The following NRG1 variants were observed in gnomAD, a reference collection of about 807,000 sequenced individuals.
NRG1 encodes pro-neuregulin-1, membrane-bound isoform.
Under a neutral mutation model 63.8 loss-of-function variants are expected in NRG1, and 18 were observed. The observed-to-expected ratio is 0.28, with a 90% CI of 0.19 to 0.42. The LOEUF is 0.42. NRG1 is among the 10% of genes least tolerant of loss of function. NRG1 has a pLI of 1.00. For missense variants in NRG1, 762 were observed against 814.7 expected, an observed-to-expected ratio of 0.94 and a Z score of 0.79; for synonymous variants, 302 against 301.3, an observed-to-expected ratio of 1.00 and a Z score of -0.02.
At chr8:32,181,388 G>A (rs115808530) in intron 1 of NRG1, among the ~76,000 whole-genome samples, 1 of 152,012 alleles carries the variant, frequency 6.6e-6, no homozygotes, top group Non-Finnish European at 1.5e-5. Flanking sequence ...TAGTTTTTCT[G>A]TATTGCTCTC....
chr8:31,871,574 G>A (rs1396628677), intron 1 of NRG1, among the ~76,000 whole-genome samples: 1 of 151,848 alleles, frequency 6.6e-6, no homozygotes, highest in Non-Finnish European at 1.5e-5. Flanking sequence ...CTGCCCATAG[G>A]CCATCAGCAT....
chr8:31,701,037 G>A (rs981940508), intron 1 of NRG1, among the ~76,000 whole-genome samples: 6 of 152,164 alleles, frequency 3.9e-5, no homozygotes, highest in Admixed American at 3.3e-4. Context: ...ACAGTAGTGT[G>A]AATCAGCAAG....
intron 1 of NRG1, among the ~76,000 whole-genome samples, chr8:32,366,671 GTGTGTGTATATATATATATA>G (rs1204676256): frequency 1.2e-4 from 10 of 86,512 alleles, no homozygotes; most frequent in African/African-American, 1.5e-4. Flanking sequence ...GTGTGTGTGT[GTGTGTGTATATATATATATA>G]TATATATATA....
intron 1 of NRG1, among the ~76,000 whole-genome samples, chr8:32,297,469 T>C (rs1299160709): frequency 3.9e-5 from 6 of 152,164 alleles, no homozygotes; most frequent in African/African-American, 1.4e-4. Context: ...TATGAATAGG[T>C]AGCAACAAGG....
rs1197711298 is a variant in NRG1 at position 31,640,641 on chromosome 8, G to A, written c.37+1210G>A. 8.7e-6 allele frequency: 14 copies of A among 1,608,902 alleles called. No homozygotes were observed. The East Asian group carries it at 2.9e-4, about 34-fold the overall frequency. ...CCGACGCCAACAGCACCAGCCGCGC[G>A]CCGGCCGCCTTCCGAGCCTCTTTCC... On this transcript the variant is annotated intron_variant, in intron 1 of 10. Transcript: ENST00000519301. The surrounding 1 kb of genome is among the most constrained non-coding windows in gnomAD (Gnocchi z 6.3).
At chr8:32,018,197 A>G (rs942125821) in intron 1 of NRG1, among the ~76,000 whole-genome samples, 3 of 152,182 alleles carry the variant, frequency 2.0e-5, no homozygotes, top group African/African-American at 7.2e-5. Flanking sequence ...TTCAACCCCA[A>G]TTGTCCTATT....
chr8:32,335,063 T>C (rs997480201), intron 1 of NRG1, among the ~76,000 whole-genome samples: 12 of 152,144 alleles, frequency 7.9e-5, no homozygotes, highest in African/African-American at 2.4e-4. Context: ...ATAATTGATA[T>C]AGTGGTATAT....
At chr8:31,862,797 G>A (rs566502506) in intron 1 of NRG1, among the ~76,000 whole-genome samples, 1 of 152,228 alleles carries the variant, frequency 6.6e-6, no homozygotes, top group South Asian at 2.1e-4. Context: ...GCTTGAATGT[G>A]GCCTTGAGGC....
intron 1 of NRG1, among the ~76,000 whole-genome samples, chr8:31,704,267 CTA>C (rs1810905889): frequency 6.6e-6 from 1 of 152,082 alleles, no homozygotes; most frequent in Non-Finnish European, 1.5e-5. Context: ...TGAATTCTCT[CTA>C]TTATATTACA....
At chr8:32,707,947 A>G (rs61199393) in intron 5 of NRG1, among the ~76,000 whole-genome samples, 19,838 of 148,924 alleles carry the variant, frequency 0.13, 1,489 homozygotes, top group Middle Eastern at 0.3. Context: ...TATGTATATG[A>G]AGTATTTTTT....
chr8:31,798,687 T>C (rs978726041), intron 1 of NRG1, among the ~76,000 whole-genome samples: 3 of 152,180 alleles, frequency 2.0e-5, no homozygotes, highest in African/African-American at 7.2e-5. Flanking sequence ...ATGTAATCTT[T>C]TAATTATATG....
At chr8:31,683,390 C>T (rs932227334) in intron 1 of NRG1, among the ~76,000 whole-genome samples, 4 of 151,952 alleles carry the variant, frequency 2.6e-5, no homozygotes. Flanking sequence ...TGAGCCATCA[C>T]GTCATGAAAA....
chr8:31,989,863 A>G (rs1810761962), intron 1 of NRG1, among the ~76,000 whole-genome samples: 1 of 152,064 alleles, frequency 6.6e-6, no homozygotes, highest in African/African-American at 2.4e-5. Flanking sequence ...TTGTTGATAT[A>G]TGTACTTTCC....
intron 1 of NRG1, among the ~76,000 whole-genome samples, chr8:32,456,625 A>C (rs2129488444): frequency 6.6e-6 from 1 of 152,342 alleles, no homozygotes; most frequent in African/African-American, 2.4e-5. Flanking sequence ...CTTTACTGTA[A>C]GAATACGGTA....
At chr8:31,764,750 T>C (rs1006130581) in intron 1 of NRG1, among the ~76,000 whole-genome samples, 9 of 152,162 alleles carry the variant, frequency 5.9e-5, no homozygotes, top group African/African-American at 2.2e-4. Flanking sequence ...TGATTTTTTT[T>C]TATTATACTT....
At chr8:32,414,001 G>A (rs11996981) in intron 1 of NRG1, among the ~76,000 whole-genome samples, 37,630 of 151,636 alleles carry the variant, frequency 0.25, 5,026 homozygotes, top group Middle Eastern at 0.35. Flanking sequence ...GTTCAGAAGA[G>A]GTTGAAAGAG....
intron 1 of NRG1, among the ~76,000 whole-genome samples, chr8:31,660,964 C>T (rs1299778122): frequency 6.6e-6 from 1 of 152,010 alleles, no homozygotes; most frequent in African/African-American, 2.4e-5. Context: ...ATTGCAGTAC[C>T]TAAGTATTTA....
intron 1 of NRG1, among the ~76,000 whole-genome samples, chr8:32,496,216 A>G (rs17645576): frequency 0.02 from 2,983 of 152,264 alleles, 35 homozygotes; most frequent in Middle Eastern, 0.041. Flanking sequence ...TTAACAGAAT[A>G]TTAGATGTTA....
At chr8:31,731,041 A>G (rs1197358852) in intron 1 of NRG1, among the ~76,000 whole-genome samples, 1 of 152,128 alleles carries the variant, frequency 6.6e-6, no homozygotes, top group Non-Finnish European at 1.5e-5. Flanking sequence ...ACTTTTCACA[A>G]AGCTTCAGTG....
Sources: allele counts gnomAD v4.1 joint callset (sites outside exome capture counted in the v4.1 genomes callset), GRCh38; gene constraint gnomAD v4.1.1; non-coding constraint Gnocchi (gnomAD v3.1); transcripts MANE v1.5; gene names NCBI Gene and HGNC (gene_info 2026-07-23, HGNC 2026-07-21).